CHRM3: variants seen among roughly 807,000 people sequenced by gnomAD.
CHRM3 encodes muscarinic acetylcholine receptor M3.
Under a neutral mutation model 41.8 loss-of-function variants are expected in CHRM3, and 11 were observed. The observed-to-expected ratio is 0.26, with a 90% CI of 0.17 to 0.44. CHRM3 has a LOEUF of 0.44. Ranked by LOEUF, CHRM3 falls within the 20% of genes least tolerant of loss-of-function variation. The pLI, the probability that CHRM3 is intolerant of heterozygous loss-of-function variation, is 1.00. For synonymous variants in CHRM3, 297 were observed against 301.4 expected (o/e 0.99, Z 0.15); for missense variants, 571 against 745.4 (o/e 0.77, Z 2.72).
At chr1:239,744,270 A>G (rs1665146607) in intron 5 of CHRM3, among the ~76,000 whole-genome samples, 1 of 152,208 alleles carries the variant, frequency 6.6e-6, no homozygotes, top group South Asian at 2.1e-4. Flanking sequence ...TTCAGGTCAC[A>G]TTCTAGTCAG....
rs11392794 is a variant in CHRM3, at chr1:239,911,547, T to TA, written c.*2335dup. 46,181 of 158,580 alleles carry TA rather than the reference T, an allele frequency of 0.29. 7,193 individuals carry two copies. Among genetic ancestry groups the TA allele is most frequent in the African/African-American group, 0.49 (19,435 of 40,000 alleles). The allele number at this position is 158,580 out of a possible 1,614,324, so 9.8% of individuals were successfully genotyped here. On this transcript the variant is annotated 3_prime_UTR_variant, in exon 7 of 7. Coordinates refer to ENST00000676153, the MANE Select transcript of CHRM3 (RefSeq NM_001375978.1). Reference sequence around the variant, plus strand: ...CTCCCAAAAGGGCTGTTTCTTTTATTAAAAAAAAAAAAGAAATAGAATTAA... The same window carrying TA: ...CTCCCAAAAGGGCTGTTTCTTTTATTAAAAAAAAAAAAAGAAATAGAATTAA...
chr1:239,441,421 G>A (rs574760251), intron 1 of CHRM3, among the ~76,000 whole-genome samples: 1 of 152,276 alleles, frequency 6.6e-6, no homozygotes, highest in African/African-American at 2.4e-5. Flanking sequence ...AGGTCAGAGG[G>A]TGAGGTGACA....
intron 1 of CHRM3, among the ~76,000 whole-genome samples, chr1:239,413,895 G>A (rs1661299894): frequency 6.6e-6 from 1 of 152,162 alleles, no homozygotes; most frequent in Admixed American, 6.5e-5. Context: ...GATTGTAAAT[G>A]TTCGCTTTGG....
chr1:239,618,045 T>G (rs1025665721), intron 3 of CHRM3, among the ~76,000 whole-genome samples: 17 of 152,044 alleles, frequency 1.1e-4, no homozygotes, highest in African/African-American at 4.1e-4. Flanking sequence ...TTTTTTCTTT[T>G]TATCAACTGT....
At chr1:239,701,791 G>A (rs961644978) in intron 5 of CHRM3, among the ~76,000 whole-genome samples, 3 of 152,132 alleles carry the variant, frequency 2.0e-5, no homozygotes, top group Non-Finnish European at 4.4e-5. Context: ...TCCGATCGCC[G>A]TAGGTATGTT....
chr1:239,844,482 A>G (rs1447156463), intron 6 of CHRM3, among the ~76,000 whole-genome samples: 3 of 152,228 alleles, frequency 2.0e-5, no homozygotes, highest in Non-Finnish European at 4.4e-5. Flanking sequence ...CTGTTCACTC[A>G]GAGGCTACAT....
At chr1:239,575,150 T>C (rs760405585) in intron 3 of CHRM3, among the ~76,000 whole-genome samples, 4 of 152,212 alleles carry the variant, frequency 2.6e-5, no homozygotes, top group Non-Finnish European at 5.9e-5. Flanking sequence ...AGTCTTGTTT[T>C]GTTTTTTCCA....
intron 4 of CHRM3, among the ~76,000 whole-genome samples, chr1:239,652,868 T>G (rs1672364258): frequency 6.6e-6 from 1 of 152,236 alleles, no homozygotes; most frequent in Admixed American, 6.5e-5. Flanking sequence ...TTATGTTCAT[T>G]GTTAAGAACT....
intron 4 of CHRM3, among the ~76,000 whole-genome samples, chr1:239,676,295 T>G (rs1657997226): frequency 6.6e-6 from 1 of 152,192 alleles, no homozygotes; most frequent in Non-Finnish European, 1.5e-5. Flanking sequence ...TCAGACAGAA[T>G]GACCAGTTTT....
chr1:239,535,109 G>A (rs1207387340), intron 2 of CHRM3, among the ~76,000 whole-genome samples: 1 of 152,156 alleles, frequency 6.6e-6, no homozygotes, highest in Admixed American at 6.5e-5. Context: ...CCAAATAAGT[G>A]TACTTTGATC....
intron 5 of CHRM3, chr1:239,718,886 C>T (rs965097124): frequency 6.6e-6 from 1 of 151,902 alleles, no homozygotes; most frequent in Non-Finnish European, 1.5e-5. Flanking sequence ...ACTAACAGTA[C>T]ATCTTTTTCT....
intron 1 of CHRM3, among the ~76,000 whole-genome samples, chr1:239,401,795 C>T (rs1264271382): frequency 1.3e-5 from 2 of 152,042 alleles, no homozygotes; most frequent in South Asian, 4.1e-4. Context: ...GCCCGGCAGA[C>T]TTTGAGGGGA....
chr1:239,389,920 T>C (rs1159267868), intron 1 of CHRM3, among the ~76,000 whole-genome samples: 1 of 152,148 alleles, frequency 6.6e-6, no homozygotes, highest in Non-Finnish European at 1.5e-5. Context: ...AGTGGCACTT[T>C]AGATAGGAGA....
At chr1:239,598,028 T>C (rs762527262) in intron 3 of CHRM3, among the ~76,000 whole-genome samples, 3 of 152,100 alleles carry the variant, frequency 2.0e-5, no homozygotes, top group Non-Finnish European at 4.4e-5. Context: ...ATAAAATTAA[T>C]TCCTGGGCCT....
rs1007576409 is a variant in CHRM3 at position 239,914,979 on chromosome 1, CTTCT to C, written c.*5762_*5765del. ...TGATGGCCACAGTTTGGGCAAAGCC[CTTCT>C]TTCTTTTAAATATAGGAACTGTTAC... is the stretch of plus-strand genomic sequence containing the variant. On this transcript the variant is annotated 3_prime_UTR_variant, in exon 7 of 7. Coordinates refer to ENST00000676153, the MANE Select transcript of CHRM3 (RefSeq NM_001375978.1). 1.8e-5 allele frequency: 3 copies of C among 167,030 alleles called. No individual in the cohort carries two copies. The highest frequency in any genetic ancestry group is 4.1e-4 in the South Asian group (2 of 4,830). 10.3% of individuals were successfully genotyped at this position (167,030 alleles called of 1,614,324 possible). A position where few individuals can be genotyped will look rare whatever the true frequency, so the allele number is the denominator to read the frequency against.
intron 4 of CHRM3, among the ~76,000 whole-genome samples, chr1:239,671,055 C>T (rs1558439031): frequency 1.3e-5 from 2 of 152,136 alleles, no homozygotes; most frequent in African/African-American, 4.8e-5. Flanking sequence ...CCCGTCTCTG[C>T]CAACATAGAT....
chr1:239,700,039 T>C (rs1157946831), intron 5 of CHRM3, among the ~76,000 whole-genome samples: 1 of 152,186 alleles, frequency 6.6e-6, no homozygotes, highest in East Asian at 1.9e-4. Context: ...GAAACCTGAA[T>C]TCCTATGCCT....
chr1:239,581,806 A>T (rs1662923486), intron 3 of CHRM3, among the ~76,000 whole-genome samples: 1 of 152,174 alleles, frequency 6.6e-6, no homozygotes, highest in Non-Finnish European at 1.5e-5. Flanking sequence ...TTTGAACCTA[A>T]GCTGCCTGAG....
intron 3 of CHRM3, among the ~76,000 whole-genome samples, chr1:239,566,780 C>G (rs1661399649): frequency 6.6e-6 from 1 of 152,176 alleles, no homozygotes; most frequent in Non-Finnish European, 1.5e-5. Flanking sequence ...CCAGCACTAC[C>G]ACGCGGAGCT....
Sources: gnomAD v4.1 joint callset for allele counts (sites outside exome capture counted in the v4.1 genomes callset) on GRCh38, gnomAD v4.1.1 for gene constraint, MANE v1.5 for transcripts, NCBI Gene and HGNC (gene_info 2026-07-23, HGNC 2026-07-21) for gene names.